Variants in SLC39A12 observed in about 807,000 individuals in gnomAD.
The protein encoded by SLC39A12 is solute carrier family 39 member 12, also known as zinc transporter ZIP12.
SLC39A12 carries 63 observed loss-of-function variants against 71.1 expected under a neutral mutation model. The observed-to-expected ratio is 0.89, with a 90% CI of 0.72 to 1.09. The LOEUF (loss-of-function observed/expected upper bound fraction) is 1.09. Among genes scored for constraint, SLC39A12 ranks in the 50% least tolerant of loss-of-function variants. The pLI, the probability that SLC39A12 is intolerant of heterozygous loss-of-function variation, is 0.00. For synonymous variants in SLC39A12, 351 were observed against 301.3 expected (o/e 1.16, Z -1.71); for missense variants, 892 against 812.6 (o/e 1.10, Z -1.19).
At chr10:18,025,584 T>C (rs934438135) in intron 12 of SLC39A12, among the ~76,000 whole-genome samples, 4 of 152,214 alleles carry the variant, frequency 2.6e-5, no homozygotes, top group Non-Finnish European at 5.9e-5. Context: ...TATGGCTGCA[T>C]AGTATTCCAT....
At chr10:18,028,784 A>G (rs1204490667) in intron 12 of SLC39A12, among the ~76,000 whole-genome samples, 2 of 151,804 alleles carry the variant, frequency 1.3e-5, no homozygotes, top group Admixed American at 6.6e-5. Flanking sequence ...CAGTGGTGTG[A>G]TCTTGGCTCA....
chr10:18,026,927 C>CT (rs373872301), intron 12 of SLC39A12, among the ~76,000 whole-genome samples: 4 of 151,866 alleles, frequency 2.6e-5, no homozygotes, highest in Admixed American at 6.6e-5. Flanking sequence ...TGAATGTTGT[C>CT]TTTTTTTATT....
intron 3 of SLC39A12, among the ~76,000 whole-genome samples, chr10:17,963,945 C>T (rs1382259560): frequency 6.6e-6 from 1 of 152,166 alleles, no homozygotes; most frequent in African/African-American, 2.4e-5. Flanking sequence ...TTTGTCCAAA[C>T]CTCTCTGTGT....
At position 18,036,759 on chromosome 10, in the gene SLC39A12, TA is replaced by T. The variant is rs1837039899; in HGVS notation, c.1948-5945del. Among the ~76,000 whole-genome samples, 4 of 7,062 alleles carry T rather than the reference TA, an allele frequency of 5.7e-4. 1 individual carries two copies. The highest frequency in any genetic ancestry group is 9.3e-4 in the African/African-American group (1 of 1,080). The allele number at this position is 7,062 out of a possible 152,430, so 4.6% of individuals were successfully genotyped here. A position where few individuals can be genotyped will look rare whatever the true frequency, so the allele number is the denominator to read the frequency against. ...GCATTTTAAAAATTATATATATATA[TA>T]TATATATATATATATATATATATAT... is the stretch of plus-strand genomic sequence containing the variant. On this transcript the variant is annotated intron_variant, in intron 12 of 12. Transcript: ENST00000377369.
chr10:17,981,376 A>T lies in SLC39A12; in HGVS notation c.989A>T (p.Lys330Met). 1 of 1,613,856 alleles carries T rather than the reference A, an allele frequency of 6.2e-7. No homozygotes were observed. The highest frequency in any genetic ancestry group is 1.3e-5 in the African/African-American group (1 of 75,040). Residue 330 changes from lysine to methionine, a missense_variant, in exon 6 of 13, where the codon AAG (lysine) becomes ATG (methionine). Lys to Met is a moderately conservative substitution (Grantham distance 95). Coordinates refer to ENST00000377369, the MANE Select transcript of SLC39A12 (RefSeq NM_001145195.2). ...CAGAAGGGCCTCTCACTCATTTCTA[A>T]GGAGGACTTTAAGCAAATGAGTCCA... ...FLQKGLSLISKEDFKQMSPGI... is the reference protein window; with the variant it reads ...FLQKGLSLISMEDFKQMSPGI...
intron 12 of SLC39A12, among the ~76,000 whole-genome samples, chr10:18,023,791 C>G (rs1048807593): frequency 1.3e-5 from 2 of 152,144 alleles, no homozygotes; most frequent in Non-Finnish European, 2.9e-5. Flanking sequence ...GGGATTTCCT[C>G]CCCAGAGAAA....
intron 12 of SLC39A12, among the ~76,000 whole-genome samples, chr10:18,015,498 T>C (rs1836351519): frequency 6.6e-6 from 1 of 152,070 alleles, no homozygotes; most frequent in Non-Finnish European, 1.5e-5. Flanking sequence ...GGTGCATTGG[T>C]GGTATAATAT....
chr10:18,032,189 G>T (rs1035352867), intron 12 of SLC39A12, among the ~76,000 whole-genome samples: 3 of 127,980 alleles, frequency 2.3e-5, no homozygotes, highest in South Asian at 2.5e-4. Context: ...TGTGAAGAAA[G>T]TCATTGGTAG....
At position 17,987,668 on chromosome 10, in the gene SLC39A12, C is replaced by T; in HGVS notation, c.1269+17C>T. ...ATCCCTCAGGTAATCTGGTCTTTTCCATTTCAGATAAAGTTCACTTCATTG... is the reference window on the plus strand; with the variant it reads ...ATCCCTCAGGTAATCTGGTCTTTTCTATTTCAGATAAAGTTCACTTCATTG... On this transcript the variant is annotated intron_variant, in intron 7 of 12. Transcript: ENST00000377369. 4.3e-6 allele frequency: 7 copies of T among 1,613,286 alleles called. No homozygotes were observed. The highest frequency in any genetic ancestry group is 5.1e-6 in the Non-Finnish European group (6 of 1,179,780).
chr10:17,983,380 TG>T (rs1232401353), intron 6 of SLC39A12, among the ~76,000 whole-genome samples: 4 of 151,736 alleles, frequency 2.6e-5, no homozygotes, highest in Admixed American at 2.0e-4. Context: ...CTCAGATACT[TG>T]GGGGGCTGAG....
chr10:18,007,984 A>T (rs894376268), intron 12 of SLC39A12, among the ~76,000 whole-genome samples: 1 of 152,216 alleles, frequency 6.6e-6, no homozygotes, highest in African/African-American at 2.4e-5. Context: ...TCTTGTTCAC[A>T]TGCCTCTGAC....
intron 4 of SLC39A12, among the ~76,000 whole-genome samples, chr10:17,974,685 GCCA>G (rs1405618380): frequency 4.6e-5 from 7 of 152,120 alleles, no homozygotes; most frequent in Non-Finnish European, 1.0e-4. Flanking sequence ...CACCACTGTG[GCCA>G]CCACCACTAT....
intron 12 of SLC39A12, among the ~76,000 whole-genome samples, chr10:18,022,799 G>A (rs966024681): frequency 3.9e-5 from 6 of 152,118 alleles, no homozygotes; most frequent in Admixed American, 2.6e-4. Context: ...GAGCCTGGTC[G>A]GTTAGCTTCA....
At chr10:17,967,784 G>A (rs2130788392) in intron 4 of SLC39A12, among the ~76,000 whole-genome samples, 1 of 151,398 alleles carries the variant, frequency 6.6e-6, no homozygotes, top group Non-Finnish European at 1.5e-5. Flanking sequence ...CTACTCGGGA[G>A]GCTGAGGCAG....
intron 12 of SLC39A12, among the ~76,000 whole-genome samples, chr10:18,040,197 G>C (rs961471804): frequency 6.6e-6 from 1 of 151,978 alleles, no homozygotes; most frequent in Non-Finnish European, 1.5e-5. Context: ...TTCCAAAATG[G>C]CATTTTGAAT....
At chr10:18,039,692 C>T (rs1249114538) in intron 12 of SLC39A12, among the ~76,000 whole-genome samples, 3 of 152,118 alleles carry the variant, frequency 2.0e-5, no homozygotes, top group Admixed American at 2.0e-4. Context: ...CACATCACTG[C>T]ACTCCAGCCT....
At chr10:18,038,387 A>T (rs985821933) in intron 12 of SLC39A12, among the ~76,000 whole-genome samples, 1 of 152,172 alleles carries the variant, frequency 6.6e-6, no homozygotes. Context: ...AATTTGGGAC[A>T]ATTTTGTAAT....
At chr10:18,025,424 C>T (rs965531993) in intron 12 of SLC39A12, among the ~76,000 whole-genome samples, 6 of 152,070 alleles carry the variant, frequency 3.9e-5, no homozygotes, top group Non-Finnish European at 7.4e-5. Context: ...TGATGTTCCC[C>T]TTCCTGTGTC....
chr10:18,004,854 G>T (rs535610761), intron 12 of SLC39A12, among the ~76,000 whole-genome samples: 77 of 152,222 alleles, frequency 5.1e-4, no homozygotes, highest in African/African-American at 1.8e-3. Flanking sequence ...ACCGGGTAAA[G>T]AAAACGTGAT....
Sources: gnomAD v4.1 joint callset for allele counts (sites outside exome capture counted in the v4.1 genomes callset) on GRCh38, gnomAD v4.1.1 for gene constraint, MANE v1.5 for transcripts, NCBI Gene and HGNC (gene_info 2026-07-23, HGNC 2026-07-21) for gene names.